Variants in AGO3 observed in about 807,000 individuals in gnomAD.
AGO3 encodes argonaute RISC catalytic component 3, also known as protein argonaute-3.
AGO3 carries 16 observed loss-of-function variants against 105.5 expected under a neutral mutation model. The ratio of observed to expected loss-of-function variants is 0.15; its 90% CI spans 0.10 to 0.23. The LOEUF is 0.23. Ranked by LOEUF, AGO3 falls within the 10% of genes least tolerant of loss-of-function variation. The pLI is 1.00. For synonymous variants in AGO3, 340 were observed against 367.3 expected (o/e 0.93, Z 0.85); for missense variants, 534 against 1,088.0 (o/e 0.49, Z 7.16).
chr1:36,029,948 C>T (rs748342620), intron 12 of AGO3, among the ~76,000 whole-genome samples: 1 of 152,002 alleles, frequency 6.6e-6, no homozygotes, highest in Non-Finnish European at 1.5e-5. Context: ...CCACCCCAGC[C>T]TCCCAAAGTG....
rs377579188 is a variant in AGO3, at chr1:36,019,945, T to G, written c.1406+5897T>G. On this transcript the variant is annotated intron_variant, in intron 11 of 18. Coordinates refer to ENST00000373191, the MANE Select transcript of AGO3 (RefSeq NM_024852.4). ...CACCACACCCAGCTAATTTTTTGTA[T>G]TTTTTAAGTAGAGACAGGCTTTCAC... 2.0e-5 allele frequency among the ~76,000 whole-genome samples: 3 copies of G among 152,164 alleles called. No homozygotes were observed. The East Asian group carries it at 5.8e-4, about 29-fold the overall frequency.
At position 36,055,502 on chromosome 1, in the gene AGO3, A is replaced by C. The variant is rs1308840476; in HGVS notation, c.2475-135A>C. ...AGTTAATAGTGATTGAAGCTGAGTG[A>C]TGGACACATAGATTGTTACACCAGT... is the stretch of plus-strand genomic sequence containing the variant. On this transcript the variant is annotated intron_variant, in intron 18 of 18. Transcript: ENST00000373191. The surrounding 1 kb of genome is among the most constrained non-coding windows in gnomAD (Gnocchi z 4.4). The C allele has an allele frequency of 4.9e-6, 4 of 821,330 alleles. No individual in the cohort carries two copies. The African/African-American group carries it at 6.9e-5, about 14-fold the overall frequency. The allele number at this position is 821,330 out of a possible 1,614,324, so 50.9% of individuals were successfully genotyped here.
At chr1:36,041,240 T>TTC (rs1212326055) in intron 16 of AGO3, among the ~76,000 whole-genome samples, 40 of 135,076 alleles carry the variant, frequency 3.0e-4, no homozygotes, top group Non-Finnish European at 6.4e-5. Flanking sequence ...GTTTTCTTTT[T>TTC]TTTTTTTTTT....
intron 13 of AGO3, among the ~76,000 whole-genome samples, chr1:36,035,847 A>G (rs1641978217): frequency 6.6e-6 from 1 of 152,126 alleles, no homozygotes; most frequent in African/African-American, 2.4e-5. Context: ...CCTGGCTAAC[A>G]TGGTGAAACC....
At chr1:36,016,388 G>A (rs1249907920) in intron 11 of AGO3, among the ~76,000 whole-genome samples, 1 of 152,046 alleles carries the variant, frequency 6.6e-6, no homozygotes, top group Non-Finnish European at 1.5e-5. Context: ...CACTCTGTTG[G>A]CCAGGCTGGT....
chr1:36,045,462 T>G (rs1245380715), intron 17 of AGO3, among the ~76,000 whole-genome samples: 1 of 151,846 alleles, frequency 6.6e-6, no homozygotes, highest in East Asian at 1.9e-4. Context: ...CCTCAGGCAA[T>G]CCGCCCACCT....
chr1:36,005,025 G>C (rs1640274293), intron 6 of AGO3, among the ~76,000 whole-genome samples: 2 of 152,000 alleles, frequency 1.3e-5, no homozygotes, highest in Non-Finnish European at 2.9e-5. Flanking sequence ...GTACAGTGCT[G>C]TTGCATCATA....
intron 5 of AGO3, 92 bp from the exon 6 acceptor site, chr1:36,004,249 A>C: frequency 3.8e-6 from 5 of 1,320,806 alleles, no homozygotes; most frequent in Non-Finnish European, 4.1e-6. Context: ...GGATCATTTT[A>C]ACCCTATAGA....
chr1:35,977,951 C>T (rs931902522), intron 5 of AGO3, among the ~76,000 whole-genome samples: 2 of 152,088 alleles, frequency 1.3e-5, no homozygotes, highest in Admixed American at 1.3e-4. Flanking sequence ...TGATTAAGAA[C>T]AAAGTATAGT....
At chr1:35,931,541 A>G in intron 1 of AGO3, 96 bp downstream of exon 1, 1 of 1,255,678 alleles carries the variant, frequency 8.0e-7, no homozygotes, top group Non-Finnish European at 1.0e-6. Flanking sequence ...GCGCGAGGTG[A>G]GCGTCGGGCG....
At chr1:35,999,703 G>A (rs1220315716) in intron 5 of AGO3, among the ~76,000 whole-genome samples, 1 of 152,048 alleles carries the variant, frequency 6.6e-6, no homozygotes, top group African/African-American at 2.4e-5. Flanking sequence ...ATTTTTATAT[G>A]TAGACCTTAA....
chr1:35,940,648 T>C (rs1358469669), intron 1 of AGO3, among the ~76,000 whole-genome samples: 1 of 152,224 alleles, frequency 6.6e-6, no homozygotes, highest in African/African-American at 2.4e-5. Flanking sequence ...AGTTGGGTTT[T>C]TGTCCCTAGC....
chr1:36,055,593 G>A lies in AGO3; in HGVS notation c.2475-44G>A. The A allele has an allele frequency of 6.4e-7, 1 of 1,559,162 alleles. No individual in the cohort carries two copies. Among genetic ancestry groups the A allele is most frequent in the Non-Finnish European group, 8.8e-7 (1 of 1,132,284 alleles). On this transcript the variant is annotated intron_variant, in intron 18 of 18. Transcript: ENST00000373191. The surrounding 1 kb of genome is among the most constrained non-coding windows in gnomAD (Gnocchi z 4.4). ...AGTATTTTTCGGAATTATTACATCA[G>A]AATAGAAAGTTTGTTTTTGTGTTCA...
intron 17 of AGO3, among the ~76,000 whole-genome samples, chr1:36,052,529 A>C (rs1642759207): frequency 6.6e-6 from 1 of 152,174 alleles, no homozygotes; most frequent in Non-Finnish European, 1.5e-5. Flanking sequence ...TATATTTTCA[A>C]ATAACCAGGA....
rs1643173447 is a variant in AGO3, at chr1:36,072,104, A to G, written c.*16359A>G. On this transcript the variant is annotated 3_prime_UTR_variant, in exon 19 of 19. Transcript: ENST00000373191. The stretch of plus-strand genomic sequence containing the variant: ...TTTTCAGTTAAACTATCTTCCCCAC[A>G]AAAAATATTATACTTCAGTTAAACT... 1 of 152,226 alleles carries G rather than the reference A, an allele frequency of 6.6e-6. No homozygotes were observed. Among genetic ancestry groups the G allele is most frequent in the Admixed American group, 6.5e-5 (1 of 15,276 alleles). The allele number at this position is 152,226 out of a possible 1,614,324, so 9.4% of individuals were successfully genotyped here.
intron 2 of AGO3, among the ~76,000 whole-genome samples, chr1:35,961,093 G>A (rs1430082040): frequency 1.3e-5 from 2 of 151,066 alleles, no homozygotes; most frequent in African/African-American, 4.9e-5. Flanking sequence ...ACGGGCACCC[G>A]CCACCAAGCC....
At chr1:36,033,844 G>T (rs1641891665) in intron 12 of AGO3, among the ~76,000 whole-genome samples, 1 of 152,096 alleles carries the variant, frequency 6.6e-6, no homozygotes, top group Admixed American at 6.5e-5. Flanking sequence ...AAAATTATTG[G>T]AAGAGAGTAC....
intron 4 of AGO3, 88 bp downstream of exon 4, chr1:35,972,320 A>T: frequency 7.4e-7 from 1 of 1,359,046 alleles, no homozygotes; most frequent in Non-Finnish European, 1.0e-6. Context: ...TTTATTTGTC[A>T]TATATTTTGA....
chr1:36,008,838 G>A lies in AGO3; in HGVS notation c.882-59G>A. ...GCAGCTTGCTCTAGTTAGTGGGGTT[G>A]GGAGTTTTTCTGGCTCATAATGGGC... On this transcript the variant is annotated intron_variant, in intron 7 of 18. Transcript: ENST00000373191. The surrounding 1 kb of genome is among the most constrained non-coding windows in gnomAD (Gnocchi z 5.1). The A allele has an allele frequency of 6.2e-7, 1 of 1,613,970 alleles. No individual in the cohort carries two copies. Among genetic ancestry groups the A allele is most frequent in the Non-Finnish European group, 8.5e-7 (1 of 1,179,982 alleles).
Sources: allele counts gnomAD v4.1 joint callset (sites outside exome capture counted in the v4.1 genomes callset), GRCh38; gene constraint gnomAD v4.1.1; non-coding constraint Gnocchi (gnomAD v3.1); transcripts MANE v1.5; gene names NCBI Gene and HGNC (gene_info 2026-07-23, HGNC 2026-07-21).